Variants in FKBP5 observed in about 807,000 individuals in gnomAD.
The protein encoded by FKBP5 is peptidyl-prolyl cis-trans isomerase FKBP5.
FKBP5 carries 23 observed loss-of-function variants against 50.5 expected under a neutral mutation model. The ratio of observed to expected loss-of-function variants is 0.46; its 90% CI spans 0.33 to 0.65. FKBP5 has a LOEUF of 0.65. Among genes scored for constraint, FKBP5 ranks in the 30% least tolerant of loss-of-function variants. The pLI is 0.02. For missense variants in FKBP5, 411 were observed against 553.1 expected (o/e 0.74, Z 2.58); for synonymous variants, 176 against 190.6 (o/e 0.92, Z 0.63).
intron 3 of FKBP5, among the ~76,000 whole-genome samples, chr6:35,630,292 G>A (rs1204114239): frequency 1.3e-5 from 2 of 152,144 alleles, no homozygotes; most frequent in African/African-American, 2.4e-5. Flanking sequence ...GCTCACCCCT[G>A]TAATACCAGC....
intron 2 of FKBP5, among the ~76,000 whole-genome samples, chr6:35,694,755 T>C (rs939803210): frequency 2.0e-5 from 3 of 152,190 alleles, no homozygotes; most frequent in Non-Finnish European, 4.4e-5. Context: ...TGTGCAGTTC[T>C]TTGGGGTCCC....
At chr6:35,688,009 T>C (rs1269790560) in intron 1 of FKBP5, among the ~76,000 whole-genome samples, 1 of 152,172 alleles carries the variant, frequency 6.6e-6, no homozygotes, top group Admixed American at 6.5e-5. Context: ...CGGAAGACGT[T>C]TTCACGTCCC....
At chr6:35,636,567 G>C (rs1764314898) in intron 3 of FKBP5, among the ~76,000 whole-genome samples, 1 of 152,206 alleles carries the variant, frequency 6.6e-6, no homozygotes, top group Non-Finnish European at 1.5e-5. Context: ...AAAGTGATGT[G>C]AAACTCAAAG....
upstream of FKBP5, among the ~76,000 whole-genome samples, chr6:35,692,025 C>T (rs1240892574): frequency 6.6e-6 from 1 of 152,252 alleles, no homozygotes; most frequent in East Asian, 1.9e-4. Flanking sequence ...CCAGTCCTGC[C>T]TGTCACTGGT....
intron 1 of FKBP5, among the ~76,000 whole-genome samples, chr6:35,727,397 C>G (rs1255106095): frequency 1.3e-5 from 2 of 152,158 alleles, no homozygotes; most frequent in African/African-American, 4.8e-5. Flanking sequence ...GGGTCAGATT[C>G]CAGGGGCAGT....
At chr6:35,721,961 A>ATGTGC (rs1766618364) in intron 1 of FKBP5, among the ~76,000 whole-genome samples, 1 of 152,118 alleles carries the variant, frequency 6.6e-6, no homozygotes, top group Non-Finnish European at 1.5e-5. Flanking sequence ...AGGACTTTGC[A>ATGTGC]TGTGCTGTGC....
At chr6:35,627,654 ATTTATG>A (rs1764040011) in intron 3 of FKBP5, among the ~76,000 whole-genome samples, 1 of 152,160 alleles carries the variant, frequency 6.6e-6, no homozygotes, top group South Asian at 2.1e-4. Flanking sequence ...ATGTACAGTA[ATTTATG>A]TTTAATTGTT....
At chr6:35,659,076 T>C (rs149539244) in intron 1 of FKBP5, among the ~76,000 whole-genome samples, 1,687 of 83,460 alleles carry the variant, frequency 0.02, 582 homozygotes, top group African/African-American at 0.053. Context: ...GAGACCCTGG[T>C]TCAGGAAGAA....
intron 2 of FKBP5, among the ~76,000 whole-genome samples, chr6:35,641,384 A>G (rs371625924): frequency 6.6e-6 from 1 of 152,230 alleles, no homozygotes; most frequent in East Asian, 1.9e-4. Flanking sequence ...AACATTTATT[A>G]TCAAGTATTA....
chr6:35,664,989 G>C (rs1052301851), intron 1 of FKBP5, among the ~76,000 whole-genome samples: 1 of 151,994 alleles, frequency 6.6e-6, no homozygotes, highest in African/African-American at 2.4e-5. Flanking sequence ...CAATAGGACC[G>C]CCAACTATTC....
upstream of FKBP5, among the ~76,000 whole-genome samples, chr6:35,691,889 G>A (rs1026602266): frequency 3.9e-5 from 6 of 152,134 alleles, no homozygotes; most frequent in Non-Finnish European, 8.8e-5. Context: ...AGTACACAGG[G>A]CCGTGTACTT....
At chr6:35,704,660 A>G (rs1294667921) in intron 2 of FKBP5, among the ~76,000 whole-genome samples, 1 of 152,078 alleles carries the variant, frequency 6.6e-6, no homozygotes, top group African/African-American at 2.4e-5. Flanking sequence ...ATATTTTTGT[A>G]GACTGAGGTA....
intron 2 of FKBP5, among the ~76,000 whole-genome samples, chr6:35,719,921 C>G (rs921914534): frequency 6.6e-6 from 1 of 152,224 alleles, no homozygotes; most frequent in Non-Finnish European, 1.5e-5. Context: ...GGGGTTGTCC[C>G]TAGTTAAAGT....
Position 35,575,757 on chromosome 6 carries a change from C to A in FKBP5, c.*78G>T, listed in dbSNP as rs567496920. The A allele has an allele frequency of 3.9e-4, 379 of 963,176 alleles. No homozygotes were observed. Among genetic ancestry groups the A allele is most frequent in the Middle Eastern group, 1.5e-3 (7 of 4,770 alleles). 59.7% of individuals were successfully genotyped at this position (963,176 alleles called of 1,614,324 possible). A position where few individuals can be genotyped will look rare whatever the true frequency, so the allele number is the denominator to read the frequency against. On this transcript the variant is annotated 3_prime_UTR_variant, in exon 11 of 11. Transcript: ENST00000357266. ...ACTATAACAAACTTTACATTAAACA[C>A]TGTTCTGTCCTGAGTTGGGGGAAAG...
chr6:35,602,187 G>C (rs1763167103), intron 5 of FKBP5, among the ~76,000 whole-genome samples: 1 of 152,102 alleles, frequency 6.6e-6, no homozygotes, highest in Non-Finnish European at 1.5e-5. Flanking sequence ...GTGCACAGCA[G>C]TAACAAAAAT....
At chr6:35,702,391 A>G (rs764809741) in intron 2 of FKBP5, among the ~76,000 whole-genome samples, 19 of 152,038 alleles carry the variant, frequency 1.2e-4, no homozygotes, top group Non-Finnish European at 1.6e-4. Context: ...ACAGAAAAGA[A>G]AAGATAGTCT....
intron 2 of FKBP5, among the ~76,000 whole-genome samples, chr6:35,694,329 C>A (rs7763535): frequency 0.77 from 117,368 of 151,828 alleles, 45,865 homozygotes; most frequent in African/African-American, 0.9. Context: ...TTATTTGTAG[C>A]GACAGGTCTC....
At chr6:35,580,775 T>C (rs757218944) in intron 8 of FKBP5, 1 of 779,482 alleles carries the variant, frequency 1.3e-6, no homozygotes, top group Non-Finnish European at 1.6e-6. Flanking sequence ...ACTCCTGACC[T>C]TGTGATCCGC....
intron 1 of FKBP5, among the ~76,000 whole-genome samples, chr6:35,646,884 A>G (rs1328517932): frequency 6.6e-6 from 1 of 152,240 alleles, no homozygotes; most frequent in East Asian, 1.9e-4. Flanking sequence ...AATACACTTA[A>G]TATTTTATCA....
Sources: gnomAD v4.1 joint callset for allele counts (sites outside exome capture counted in the v4.1 genomes callset) on GRCh38, gnomAD v4.1.1 for gene constraint, MANE v1.5 for transcripts, NCBI Gene and HGNC (gene_info 2026-07-23, HGNC 2026-07-21) for gene names.